CNNM4: variants seen among roughly 807,000 people sequenced by gnomAD.
The protein encoded by CNNM4 is metal transporter CNNM4.
A neutral mutation model predicts 53.7 loss-of-function variants in CNNM4; 32 were observed. The observed-to-expected ratio is 0.60, with a 90% CI of 0.45 to 0.80. The LOEUF is 0.80. Ranked by LOEUF, CNNM4 falls within the 30% of genes least tolerant of loss-of-function variation. The pLI, the probability that CNNM4 is intolerant of heterozygous loss-of-function variation, is 0.00. For missense variants in CNNM4, 784 were observed against 1,022.0 expected (o/e 0.77, Z 3.17); for synonymous variants, 410 against 440.0 (o/e 0.93, Z 0.85).
intron 1 of CNNM4, among the ~76,000 whole-genome samples, chr2:96,765,929 G>A (rs1476351167): frequency 6.6e-6 from 1 of 151,136 alleles, no homozygotes; most frequent in Non-Finnish European, 1.5e-5. Context: ...GATTACAGGC[G>A]CCCGCCACCA....
At position 96,799,133 on chromosome 2, in the gene CNNM4, G is replaced by C; in HGVS notation, c.1758G>C (p.Gln586His). The change falls in exon 4 of 7, where the codon CAG becomes CAC. Residue 586 changes from glutamine to histidine, a missense_variant. Physicochemically the swap from Gln to His is conservative, Grantham distance 24. This residue lies in a region of CNNM4 where 307 missense variants were observed against 376.3 expected (regional missense o/e 0.82). Coordinates refer to ENST00000377075, the MANE Select transcript of CNNM4 (RefSeq NM_020184.4). ...TACTCAAGTACCCAGATGTCATTCAGGAACTCAAGTTTGACGAGCACAATA... is the reference window on the plus strand; with the variant it reads ...TACTCAAGTACCCAGATGTCATTCACGAACTCAAGTTTGACGAGCACAATA... ...LRLLKYPDVIQELKFDEHNKY... is the reference protein window; with the variant it reads ...LRLLKYPDVIHELKFDEHNKY... 1 of 1,614,166 alleles carries C rather than the reference G, an allele frequency of 6.2e-7. No individual in the cohort carries two copies. The highest frequency in any genetic ancestry group is 8.5e-7 in the Non-Finnish European group (1 of 1,180,022).
rs1476790435 is a variant in CNNM4, at chr2:96,800,516, AC to A, written c.1948+871del. On this transcript the variant is annotated intron_variant, in intron 5 of 6. Transcript: ENST00000377075. The surrounding 1 kb of genome is among the most constrained non-coding windows in gnomAD (Gnocchi z 4.6). ...GGGTAGGGCACCCATGAATACTGACACCCAGCTTGGCTTATCCACCATGTCC... is the reference window on the plus strand; with the variant it reads ...GGGTAGGGCACCCATGAATACTGACACCAGCTTGGCTTATCCACCATGTCC... Among the ~76,000 whole-genome samples, 1 of 152,110 alleles carries A rather than the reference AC, an allele frequency of 6.6e-6. No homozygotes were observed. Among genetic ancestry groups the A allele is most frequent in the East Asian group, 1.9e-4 (1 of 5,160 alleles).
intron 1 of CNNM4, among the ~76,000 whole-genome samples, chr2:96,795,295 G>A (rs999804627): frequency 1.1e-4 from 17 of 152,230 alleles, no homozygotes; most frequent in Non-Finnish European, 1.9e-4. Context: ...GCCCGCTGCC[G>A]CCCTGCTGGA....
intron 1 of CNNM4, among the ~76,000 whole-genome samples, chr2:96,774,113 T>A (rs1202721319): frequency 6.6e-6 from 1 of 152,148 alleles, no homozygotes; most frequent in Non-Finnish European, 1.5e-5. Context: ...AGCGCATCCA[T>A]GTTCCGACTG....
intron 1 of CNNM4, among the ~76,000 whole-genome samples, chr2:96,780,616 G>A (rs1201900238): frequency 1.3e-5 from 2 of 152,066 alleles, no homozygotes; most frequent in Non-Finnish European, 2.9e-5. Context: ...ATGACCTCAG[G>A]TTCAGTAATT....
intron 5 of CNNM4, among the ~76,000 whole-genome samples, chr2:96,804,423 T>TG (rs1256437625): frequency 6.7e-6 from 1 of 148,188 alleles, no homozygotes; most frequent in Admixed American, 6.7e-5. Context: ...TTTTTTGAGA[T>TG]GGAGTCTTGA....
chr2:96,795,149 T>C (rs952315866), intron 1 of CNNM4, among the ~76,000 whole-genome samples: 2 of 152,252 alleles, frequency 1.3e-5, no homozygotes, highest in African/African-American at 4.8e-5. Context: ...TTGCTTTAAT[T>C]CCCATCCCCA....
At chr2:96,783,800 G>T (rs1166313088) in intron 1 of CNNM4, among the ~76,000 whole-genome samples, 1 of 152,214 alleles carries the variant, frequency 6.6e-6, no homozygotes, top group East Asian at 1.9e-4. Context: ...GACTGGGATT[G>T]TGTATGCATC....
intron 1 of CNNM4, among the ~76,000 whole-genome samples, chr2:96,793,056 G>T (rs1285240501): frequency 1.3e-5 from 2 of 152,118 alleles, no homozygotes; most frequent in African/African-American, 4.8e-5. Context: ...AAGGGACCAG[G>T]TGTACAGACT....
At position 96,761,937 on chromosome 2, in the gene CNNM4, C is replaced by T; in HGVS notation, c.938C>T (p.Thr313Ile). The T allele has an allele frequency of 6.2e-7, 1 of 1,614,190 alleles. No individual in the cohort carries two copies. The highest frequency in any genetic ancestry group is 8.5e-7 in the Non-Finnish European group (1 of 1,180,042). ...CTCACCAAATTCTTTATGCTACTCA[C>T]CTTCCCCCTCAGTTTTCCCATTAGC... ...ILLTKFFMLL[T>I]FPLSFPISKL... Residue 313 changes from threonine to isoleucine, a missense_variant, in exon 1 of 7, where the codon ACC (threonine) becomes ATC (isoleucine). Physicochemically the swap from Thr to Ile is moderately conservative, Grantham distance 89. Transcript: ENST00000377075. The surrounding 1 kb of genome is among the most constrained non-coding windows in gnomAD (Gnocchi z 6.0).
rs1254484367 is a variant in CNNM4 at position 96,800,317 on chromosome 2, C to T, written c.1948+669C>T. Among the ~76,000 whole-genome samples the T allele has an allele frequency of 6.6e-6, 1 of 152,204 alleles. No individual in the cohort carries two copies. The highest frequency in any genetic ancestry group is 2.4e-5 in the African/African-American group (1 of 41,444). The stretch of plus-strand genomic sequence containing the variant: ...CCCAGGTCTCGCCAGCTCATCTCCT[C>T]GCTCCTCTCCAGGCTTCGGTCCTGG... On this transcript the variant is annotated intron_variant, in intron 5 of 6. Transcript: ENST00000377075. The surrounding 1 kb of genome is among the most constrained non-coding windows in gnomAD (Gnocchi z 4.6).
At chr2:96,774,823 G>A (rs1227214552) in intron 1 of CNNM4, among the ~76,000 whole-genome samples, 1 of 151,746 alleles carries the variant, frequency 6.6e-6, no homozygotes, top group African/African-American at 2.4e-5. Flanking sequence ...AATTAGCTGG[G>A]TGTGATGTGT....
intron 1 of CNNM4, among the ~76,000 whole-genome samples, chr2:96,780,776 T>C (rs1235310316): frequency 2.0e-5 from 3 of 152,016 alleles, no homozygotes; most frequent in Non-Finnish European, 4.4e-5. Flanking sequence ...CTCCCTCTAT[T>C]GCCCAGGCTG....
chr2:96,798,980 G>A (rs1229804721), intron 3 of CNNM4, 77 bp from the exon 4 acceptor site: 9 of 1,414,636 alleles, frequency 6.4e-6, no homozygotes, highest in African/African-American at 2.8e-5. Context: ...TGTGGTTGGG[G>A]TGGAGGCACA....
Position 96,762,147 on chromosome 2 carries a change from G to C in CNNM4, c.1148G>C (p.Cys383Ser), listed in dbSNP as rs2078770490. Residue 383 changes from cysteine (C) to serine (S), a missense_variant, in exon 1 of 7, where the codon TGC becomes TCC. By Grantham distance (112) the Cys-to-Ser change is moderately radical (BLOSUM62 -1). Coordinates refer to ENST00000377075, the MANE Select transcript of CNNM4 (RefSeq NM_020184.4). ...GATATCATGACCCAGCTCCAGGACTGCTTCATGATCCGCAGCGATGCCATC... is the reference window on the plus strand; with the variant it reads ...GATATCATGACCCAGCTCCAGGACTCCTTCATGATCCGCAGCGATGCCATC... ...VEDIMTQLQD[C>S]FMIRSDAILD... The C allele has an allele frequency of 6.2e-7, 1 of 1,614,048 alleles. No homozygotes were observed. The highest frequency in any genetic ancestry group is 1.3e-5 in the African/African-American group (1 of 74,906).
Position 96,792,245 on chromosome 2 carries a change from C to CA in CNNM4, c.1403-4751dup, listed in dbSNP as rs541024962. 9.4e-3 allele frequency among the ~76,000 whole-genome samples: 477 copies of CA among 51,012 alleles called. 2 individuals carry two copies. Among genetic ancestry groups the CA allele is most frequent in the Middle Eastern group, 0.025 (2 of 80 alleles). The allele number at this position is 51,012 out of a possible 152,430, so 33.5% of individuals were successfully genotyped here. ...TGGGTGACAGAGTGAGACTCCAGCTCAAAAAAAAAAAAAAAACCACACACA... is the reference window on the plus strand; with the variant it reads ...TGGGTGACAGAGTGAGACTCCAGCTCAAAAAAAAAAAAAAAAACCACACACA... On this transcript the variant is annotated intron_variant, in intron 1 of 6. Coordinates refer to ENST00000377075, the MANE Select transcript of CNNM4 (RefSeq NM_020184.4).
In CNNM4 at chr2:96,809,593, A is replaced by G; in HGVS notation, c.*76A>G. The G allele has an allele frequency of 7.6e-7, 1 of 1,318,104 alleles. No homozygotes were observed. Among genetic ancestry groups the G allele is most frequent in the South Asian group, 1.2e-5 (1 of 83,116 alleles). The allele number at this position is 1,318,104 out of a possible 1,614,324, so 81.7% of individuals were successfully genotyped here. A position where few individuals can be genotyped will look rare whatever the true frequency, so the allele number is the denominator to read the frequency against. Reference sequence around the variant, plus strand: ...CCCACATGAAGAGAGGGAACCTGTTAGTCCAGAAAGGATACGGATAGATAG... The same window carrying G: ...CCCACATGAAGAGAGGGAACCTGTTGGTCCAGAAAGGATACGGATAGATAG... On this transcript the variant is annotated 3_prime_UTR_variant, in exon 7 of 7. Transcript: ENST00000377075.
chr2:96,781,038 G>A (rs2078971150), intron 1 of CNNM4, among the ~76,000 whole-genome samples: 1 of 143,624 alleles, frequency 7.0e-6, no homozygotes, highest in Admixed American at 7.0e-5. Flanking sequence ...GAATGCAGTG[G>A]CACAATCTCG....
chr2:96,806,535 A>ACACACGCGCG (rs374638753), intron 5 of CNNM4, among the ~76,000 whole-genome samples: 86 of 123,994 alleles, frequency 6.9e-4, no homozygotes, highest in South Asian at 2.0e-3. Flanking sequence ...ACACACACAC[A>ACACACGCGCG]CGCGCGCGCG....
Sources: allele counts gnomAD v4.1 joint callset (sites outside exome capture counted in the v4.1 genomes callset), GRCh38; gene constraint gnomAD v4.1.1; regional missense constraint gnomAD v4.1.1; non-coding constraint Gnocchi (gnomAD v3.1); transcripts MANE v1.5; gene names NCBI Gene and HGNC (gene_info 2026-07-23, HGNC 2026-07-21).